The following GLCE variants were observed in gnomAD, a reference collection of about 807,000 sequenced individuals.
GLCE encodes glucuronic acid epimerase, also known as D-glucuronyl C5-epimerase.
In GLCE, 19 loss-of-function variants were observed where a neutral mutation model predicts 47.9. The observed-to-expected ratio is 0.40, with a 90% CI of 0.28 to 0.58. The LOEUF (loss-of-function observed/expected upper bound fraction) is 0.58. Among genes scored for constraint, GLCE ranks in the 20% least tolerant of loss-of-function variants. The pLI, the probability that GLCE is intolerant of heterozygous loss-of-function variation, is 0.48. For missense variants in GLCE, 556 were observed against 743.3 expected, an observed-to-expected ratio of 0.75 and a Z score of 2.93; for synonymous variants, 245 against 263.4, an observed-to-expected ratio of 0.93 and a Z score of 0.68.
At chr15:69,167,109 G>C (rs1175802638) in intron 1 of GLCE, among the ~76,000 whole-genome samples, 1 of 151,964 alleles carries the variant, frequency 6.6e-6, no homozygotes, top group Non-Finnish European at 1.5e-5. Flanking sequence ...CCAGGTACTC[G>C]GGAGGCTGAG....
intron 1 of GLCE, among the ~76,000 whole-genome samples, chr15:69,186,099 A>G (rs1197355673): frequency 2.0e-5 from 3 of 152,134 alleles, no homozygotes; most frequent in African/African-American, 7.2e-5. Flanking sequence ...CTCCCTGGGT[A>G]TGCTACCCCC....
chr15:69,240,186 A>G (rs1003432463), intron 2 of GLCE, among the ~76,000 whole-genome samples: 7 of 151,474 alleles, frequency 4.6e-5, no homozygotes, highest in Non-Finnish European at 8.8e-5. Flanking sequence ...CATCTCTATC[A>G]TGAAGTATCC....
intron 1 of GLCE, among the ~76,000 whole-genome samples, chr15:69,186,735 T>G (rs184773040): frequency 8.7e-4 from 132 of 152,352 alleles, no homozygotes; most frequent in African/African-American, 3.0e-3. Context: ...TTTTTTTAAC[T>G]TAAATTTTTG....
intron 2 of GLCE, among the ~76,000 whole-genome samples, chr15:69,237,364 G>A (rs556875058): frequency 6.6e-6 from 1 of 152,282 alleles, no homozygotes; most frequent in African/African-American, 2.4e-5. Context: ...GGAGGCCAAG[G>A]CAGGTGGATC....
intron 2 of GLCE, among the ~76,000 whole-genome samples, chr15:69,221,220 A>G (rs28830497): frequency 0.12 from 18,693 of 152,022 alleles, 1,215 homozygotes; most frequent in East Asian, 0.16. Flanking sequence ...TGTTTTGGCT[A>G]TTTGAGGTCC....
At chr15:69,167,035 G>A (rs2051513635) in intron 1 of GLCE, among the ~76,000 whole-genome samples, 1 of 151,532 alleles carries the variant, frequency 6.6e-6, no homozygotes, top group Non-Finnish European at 1.5e-5. Flanking sequence ...GGCCAACATG[G>A]TGAAACCCCG....
intron 3 of GLCE, among the ~76,000 whole-genome samples, chr15:69,256,604 CAG>C (rs1188391841): frequency 1.3e-5 from 2 of 152,168 alleles, no homozygotes; most frequent in Non-Finnish European, 2.9e-5. Flanking sequence ...CCTGGGCAAA[CAG>C]AATTATTTTA....
intron 1 of GLCE, among the ~76,000 whole-genome samples, chr15:69,204,125 T>C (rs2052114646): frequency 6.6e-6 from 1 of 152,120 alleles, no homozygotes; most frequent in African/African-American, 2.4e-5. Flanking sequence ...TAGTGTACTA[T>C]ATTAGTTGAA....
chr15:69,264,298 G>A (rs987070365), intron 4 of GLCE, among the ~76,000 whole-genome samples: 2 of 151,788 alleles, frequency 1.3e-5, no homozygotes, highest in Non-Finnish European at 2.9e-5. Context: ...TTCAAGGTTC[G>A]TCTATGTTGT....
At chr15:69,214,726 C>G (rs566755907) in intron 2 of GLCE, among the ~76,000 whole-genome samples, 1 of 152,202 alleles carries the variant, frequency 6.6e-6, no homozygotes, top group East Asian at 1.9e-4. Flanking sequence ...AGGGATTATT[C>G]TAGCATTTCC....
rs1323397166 is a variant in GLCE, at chr15:69,186,855, T to C, written c.-104-23461T>C. 2.0e-5 allele frequency among the ~76,000 whole-genome samples: 3 copies of C among 152,200 alleles called. No homozygotes were observed. In the East Asian group the frequency reaches 5.8e-4, roughly 29 times the overall value. The stretch of plus-strand genomic sequence containing the variant: ...AGATACATTTATTCAAATTATTGAC[T>C]GTTTTCTCATATACACTTTTTTTTT... On this transcript the variant is annotated intron_variant, in intron 1 of 4. Coordinates refer to ENST00000261858, the MANE Select transcript of GLCE (RefSeq NM_015554.3).
intron 2 of GLCE, among the ~76,000 whole-genome samples, chr15:69,233,019 T>TTAGA (rs1393699764): frequency 6.6e-6 from 1 of 152,194 alleles, no homozygotes; most frequent in Non-Finnish European, 1.5e-5. Flanking sequence ...TCTAACAGTG[T>TTAGA]AAGATGACTT....
intron 2 of GLCE, among the ~76,000 whole-genome samples, chr15:69,234,482 A>G (rs1191581834): frequency 6.6e-6 from 1 of 152,178 alleles, no homozygotes; most frequent in Non-Finnish European, 1.5e-5. Context: ...GGTTATTTAT[A>G]TAAATGTCAG....
chr15:69,226,551 G>GT (rs1372942888), intron 2 of GLCE, among the ~76,000 whole-genome samples: 1 of 152,078 alleles, frequency 6.6e-6, no homozygotes, highest in Non-Finnish European at 1.5e-5. Flanking sequence ...AGTCTTAAGA[G>GT]TAAAGCTCAG....
In GLCE at chr15:69,215,539, G is replaced by GGTAT. The variant is rs2052294427; in HGVS notation, c.-14+5135_-14+5136insATGT. ...ATAAAGCTACTACATTTACATAAAG[G>GGTAT]GTGTGTGTGTGTGTGTGTGTGTGTC... On this transcript the variant is annotated intron_variant, in intron 2 of 4. Transcript: ENST00000261858. Among the ~76,000 whole-genome samples the GGTAT allele has an allele frequency of 7.4e-5, 11 of 148,916 alleles. No homozygotes were observed. In the South Asian group the frequency reaches 2.4e-3, roughly 32 times the overall value.
At chr15:69,258,245 G>A (rs1322037779) in intron 3 of GLCE, among the ~76,000 whole-genome samples, 1 of 150,924 alleles carries the variant, frequency 6.6e-6, no homozygotes, top group East Asian at 1.9e-4. Flanking sequence ...AGAACATGCA[G>A]TATTTGGTTT....
chr15:69,229,169 A>G (rs2052487054), intron 2 of GLCE, among the ~76,000 whole-genome samples: 1 of 152,258 alleles, frequency 6.6e-6, no homozygotes, highest in Non-Finnish European at 1.5e-5. Context: ...TCATAATAAT[A>G]TAAAAGGTCC....
chr15:69,246,491 G>A (rs1161315924), intron 2 of GLCE, among the ~76,000 whole-genome samples: 2 of 152,094 alleles, frequency 1.3e-5, no homozygotes, highest in African/African-American at 4.8e-5. Context: ...GCTGAGGTGG[G>A]TGGATCACGA....
At chr15:69,242,022 C>T (rs1208036439) in intron 2 of GLCE, among the ~76,000 whole-genome samples, 1 of 152,160 alleles carries the variant, frequency 6.6e-6, no homozygotes, top group Non-Finnish European at 1.5e-5. Flanking sequence ...TGTAAAATAG[C>T]ACTCATTTTC....
Sources: gnomAD v4.1 joint callset for allele counts (sites outside exome capture counted in the v4.1 genomes callset) on GRCh38, gnomAD v4.1.1 for gene constraint, MANE v1.5 for transcripts, NCBI Gene and HGNC (gene_info 2026-07-23, HGNC 2026-07-21) for gene names.